The following FANCI variants were observed in gnomAD, a reference collection of about 807,000 sequenced individuals.
FANCI encodes FA complementation group I.
A neutral mutation model predicts 176.1 loss-of-function variants in FANCI; 156 were observed. The observed-to-expected ratio is 0.89, with a 90% confidence interval of 0.78 to 1.01. The LOEUF is 1.01. Ranked by LOEUF, FANCI falls within the 50% of genes least tolerant of loss-of-function variation. The pLI is 0.00. For synonymous variants in FANCI, 613 were observed against 541.7 expected (o/e 1.13, Z -1.83); for missense variants, 1,678 against 1,534.1 (o/e 1.09, Z -1.57).
rs193065336 is a variant in FANCI, at chr15:89,269,938, G to A, written c.882+1413G>A. 3.6e-4 allele frequency among the ~76,000 whole-genome samples: 54 copies of A among 152,020 alleles called. 1 individual carries two copies. The highest frequency in any genetic ancestry group is 1.3e-3 in the African/African-American group (52 of 41,450). ...TGATTCTCATGCCTCAGCCTCCCAA[G>A]TAGCTGGGACTACAAGTGCGTGCCA... On this transcript the variant is annotated intron_variant, in intron 10 of 37. Coordinates refer to ENST00000310775, the MANE Select transcript of FANCI (RefSeq NM_001113378.2).
At chr15:89,250,078 A>C (rs2052170994) in intron 2 of FANCI, among the ~76,000 whole-genome samples, 1 of 152,200 alleles carries the variant, frequency 6.6e-6, no homozygotes, top group South Asian at 2.1e-4. Flanking sequence ...AAAAGCAAAG[A>C]CACTTTTACT....
chr15:89,288,783 C>T (rs1410145716), intron 18 of FANCI, among the ~76,000 whole-genome samples: 2 of 151,804 alleles, frequency 1.3e-5, no homozygotes, highest in African/African-American at 4.8e-5. Flanking sequence ...CCACTGCACC[C>T]AGCTAATTTT....
rs147077926 is a variant in FANCI, at chr15:89,274,381, A to G, written c.1112+77A>G. On this transcript the variant is annotated intron_variant, in intron 12 of 37. Coordinates refer to ENST00000310775, the MANE Select transcript of FANCI (RefSeq NM_001113378.2). ...AAATGCAATGTGATATCATACTTGC[A>G]GCCTGTGAGGGGAAACTGATGACTT... The G allele has an allele frequency of 3.9e-4, 605 of 1,538,362 alleles. No individual in the cohort carries two copies. In the African/African-American group the frequency reaches 7.4e-3, roughly 19 times the overall value.
chr15:89,286,273 G>C (rs767659916), intron 18 of FANCI, among the ~76,000 whole-genome samples: 67 of 152,292 alleles, frequency 4.4e-4, no homozygotes, highest in Middle Eastern at 3.4e-3. Flanking sequence ...GATTACAGGC[G>C]TGAGCCACCA....
Position 89,257,911 on chromosome 15 carries a change from C to T in FANCI, c.85-793C>T, listed in dbSNP as rs926499933. On this transcript the variant is annotated intron_variant, in intron 2 of 37. Transcript: ENST00000310775. Reference sequence around the variant, plus strand: ...GATGATTTTTGAAAAATCTATCATCCCATTTCCTTCTTTTCTCTTTAGTAA... The same window carrying T: ...GATGATTTTTGAAAAATCTATCATCTCATTTCCTTCTTTTCTCTTTAGTAA... Among the ~76,000 whole-genome samples, 6 of 152,186 alleles carry T rather than the reference C, an allele frequency of 3.9e-5. No homozygotes were observed. The East Asian group carries it at 1.2e-3, about 29-fold the overall frequency.
In FANCI at chr15:89,274,259, A is replaced by G. The variant is rs2053319589; in HGVS notation, c.1067A>G (p.His356Arg). The part of the protein sequence containing the change: ...GSKFLQNLVP[H>R]RSYVSTMILE... ...AAATTTCTTCAGAATCTAGTTCCTC[A>G]TAGATCTTATGTTTCAACCATGATC... Residue 356 changes from histidine (H) to arginine (R), a missense_variant, in exon 12 of 38, where the codon CAT becomes CGT. Physicochemically the swap from His to Arg is conservative, Grantham distance 29 (BLOSUM62 0). This residue lies in a region of FANCI where 469 missense variants were observed against 436.9 expected (regional missense o/e 1.07). Transcript: ENST00000310775. The G allele has an allele frequency of 6.2e-7, 1 of 1,613,144 alleles. No homozygotes were observed. The highest frequency in any genetic ancestry group is 2.2e-5 in the East Asian group (1 of 44,852).
chr15:89,263,287 T>C, intron 6 of FANCI, 132 bp from the exon 7 acceptor site: 1 of 723,920 alleles, frequency 1.4e-6, no homozygotes, highest in Non-Finnish European at 2.4e-6. Flanking sequence ...TTAAATGGTA[T>C]TTATTTGATC....
intron 14 of FANCI, among the ~76,000 whole-genome samples, chr15:89,280,314 C>G (rs77460852): frequency 0.022 from 3,279 of 152,302 alleles, 56 homozygotes; most frequent in South Asian, 0.041. Flanking sequence ...GCCACCACAC[C>G]TGGCCAAATT....
chr15:89,291,651 T>G lies in FANCI; in HGVS notation c.1929T>G (p.Pro643=). The change falls in exon 20 of 38, where the codon CCT becomes CCG. Residue 643 remains proline, a synonymous_variant. Transcript: ENST00000310775. ...ATGAGCCAAAACCTGATCTGCTGCC[T>G]CCTCTGAAATTAGAAGCTTGTATTC... ...QFYEPKPDLL[P]PLKLEACILT... is the part of the protein sequence containing the mutation. 1 of 1,613,848 alleles carries G rather than the reference T, an allele frequency of 6.2e-7. No homozygotes were observed.
chr15:89,291,825 A>G, intron 20 of FANCI, 111 bp downstream of exon 20: 1 of 869,594 alleles, frequency 1.1e-6, no homozygotes, highest in Non-Finnish European at 1.9e-6. Context: ...CTTCCAATGA[A>G]TGTTTACTTT....
chr15:89,281,198 A>G lies in FANCI; in HGVS notation c.1410A>G (p.Ala470=). The change falls in exon 15 of 38, where the codon GCA becomes GCG. Residue 470 remains alanine (A), a synonymous_variant. Transcript: ENST00000310775. ...LDLLSNIVMY[A]PLVLQSCSSK... ...TGCTTTCAAATATCGTCATGTATGCACCCTTAGTTCTTCAAAGTTGTTCTT... is the reference window on the plus strand; with the variant it reads ...TGCTTTCAAATATCGTCATGTATGCGCCCTTAGTTCTTCAAAGTTGTTCTT... 1.2e-6 allele frequency: 2 copies of G among 1,613,802 alleles called. No homozygotes were observed. Among genetic ancestry groups the G allele is most frequent in the Non-Finnish European group, 1.7e-6 (2 of 1,179,798 alleles).
chr15:89,249,277 A>C (rs2052128926), intron 2 of FANCI, among the ~76,000 whole-genome samples: 1 of 152,228 alleles, frequency 6.6e-6, no homozygotes, highest in African/African-American at 2.4e-5. Flanking sequence ...AGAAATGGGA[A>C]AATTCATATT....
At chr15:89,293,147 A>G in intron 22 of FANCI, 84 bp downstream of exon 22, 1 of 1,456,286 alleles carries the variant, frequency 6.9e-7, no homozygotes, top group African/African-American at 1.4e-5. Flanking sequence ...TATTCTAGGC[A>G]GTAAACAGAC....
intron 34 of FANCI, among the ~76,000 whole-genome samples, chr15:89,308,527 G>A (rs1370261483): frequency 2.0e-5 from 3 of 152,162 alleles, no homozygotes; most frequent in East Asian, 3.8e-4. Context: ...GCAATGGATC[G>A]TGACCACTTT....
chr15:89,305,448 A>T, intron 30 of FANCI, 39 bp downstream of exon 30: 1 of 1,612,612 alleles, frequency 6.2e-7, no homozygotes, highest in Non-Finnish European at 8.5e-7. Flanking sequence ...TAGCTTTGTC[A>T]TTCTTTCCAT....
intron 2 of FANCI, among the ~76,000 whole-genome samples, chr15:89,253,872 A>G (rs1026467204): frequency 2.6e-5 from 4 of 150,978 alleles, no homozygotes; most frequent in African/African-American, 4.9e-5. Flanking sequence ...ATGGCCTTAA[A>G]CATAAGAAAA....
chr15:89,290,818 A>G lies in FANCI; in HGVS notation c.1890+537A>G, dbSNP rs183802819. ...CTATCATTTTGTTTGCTGTCTCTCA[A>G]TGCCATTGCTTTGTGATAGTTATGA... On this transcript the variant is annotated intron_variant, in intron 19 of 37. Coordinates refer to ENST00000310775, the MANE Select transcript of FANCI (RefSeq NM_001113378.2). Among the ~76,000 whole-genome samples, 25 of 152,286 alleles carry G rather than the reference A, an allele frequency of 1.6e-4. No homozygotes were observed. The East Asian group carries it at 2.5e-3, about 15-fold the overall frequency.
chr15:89,289,158 T>C (rs2053954922), intron 18 of FANCI, among the ~76,000 whole-genome samples: 1 of 152,174 alleles, frequency 6.6e-6, no homozygotes, highest in Non-Finnish European at 1.5e-5. Context: ...TGTATCTCTG[T>C]ATGCCATTTT....
intron 14 of FANCI, among the ~76,000 whole-genome samples, chr15:89,279,814 C>T (rs2053547554): frequency 6.6e-6 from 1 of 150,990 alleles, no homozygotes; most frequent in Non-Finnish European, 1.5e-5. Flanking sequence ...TTTTTATTCC[C>T]TCCTCCTCCC....
Sources: gnomAD v4.1 joint callset for allele counts (sites outside exome capture counted in the v4.1 genomes callset) on GRCh38, gnomAD v4.1.1 for gene constraint, gnomAD v4.1.1 regional missense constraint, MANE v1.5 for transcripts, NCBI Gene and HGNC (gene_info 2026-07-23, HGNC 2026-07-21) for gene names.